Variants in SNX19 observed in about 807,000 individuals in gnomAD.
SNX19 encodes the protein sorting nexin 19, also known as sorting nexin-19.
A neutral mutation model predicts 85.2 loss-of-function variants in SNX19; 60 were observed. That is an observed-to-expected ratio of 0.70 (90% CI 0.57 to 0.87). The LOEUF (loss-of-function observed/expected upper bound fraction) is 0.87. SNX19 is among the 40% of genes least tolerant of loss of function. The pLI, the probability that SNX19 is intolerant of heterozygous loss-of-function variation, is 0.00. For missense variants in SNX19, 1,201 were observed against 1,217.8 expected (o/e 0.99, Z 0.21); for synonymous variants, 520 against 470.0 (o/e 1.11, Z -1.38).
chr11:130,892,669 G>A (rs1199260345), intron 8 of SNX19: 2 of 152,124 alleles, frequency 1.3e-5, no homozygotes, highest in Non-Finnish European at 2.9e-5. Context: ...TAAGAAAATT[G>A]GGACGAGGCC....
chr11:130,913,376 GTC>G (rs1473603794), intron 1 of SNX19, among the ~76,000 whole-genome samples: 1 of 152,190 alleles, frequency 6.6e-6, no homozygotes, highest in Non-Finnish European at 1.5e-5. Context: ...ATGAGTGTGT[GTC>G]TGTGTGTTCA....
intron 8 of SNX19, among the ~76,000 whole-genome samples, chr11:130,902,263 C>A (rs181372960): frequency 6.6e-6 from 1 of 152,190 alleles, no homozygotes; most frequent in African/African-American, 2.4e-5. Context: ...CATAGATAAG[C>A]GCTTAGCAAA....
intron 8 of SNX19, among the ~76,000 whole-genome samples, chr11:130,897,289 A>G (rs191385413): frequency 2.0e-5 from 3 of 152,062 alleles, no homozygotes; most frequent in Non-Finnish European, 2.9e-5. Context: ...CCCCTCTGCC[A>G]GAACCTTTCC....
At chr11:130,910,516 C>T (rs111309319) in intron 2 of SNX19, 146 bp from the exon 3 acceptor site, 13 of 651,520 alleles carry the variant, frequency 2.0e-5, no homozygotes, top group South Asian at 6.2e-5. Flanking sequence ...AATATACATA[C>T]GATCCATATG....
Position 130,866,458 on chromosome 11 carries a change from A to C in SNX19, c.*11964T>G, listed in dbSNP as rs1942768034. 6.6e-6 allele frequency: 1 copy of C among 152,200 alleles called. No individual in the cohort carries two copies. Among genetic ancestry groups the C allele is most frequent in the Non-Finnish European group, 1.5e-5 (1 of 68,046 alleles). 9.4% of individuals were successfully genotyped at this position (152,200 alleles called of 1,614,324 possible). On this transcript the variant is annotated 3_prime_UTR_variant, in exon 11 of 11. Coordinates refer to ENST00000265909, the MANE Select transcript of SNX19 (RefSeq NM_014758.3). ...ACAAACAGCATGAGAAAAGGCCGGGAGACAGTAATAAATACGTGCCCATTG... is the reference window on the plus strand; with the variant it reads ...ACAAACAGCATGAGAAAAGGCCGGGCGACAGTAATAAATACGTGCCCATTG...
At chr11:130,892,140 G>A (rs6421608) in intron 8 of SNX19, among the ~76,000 whole-genome samples, 89,743 of 149,464 alleles carry the variant, frequency 0.6, 27,318 homozygotes, top group South Asian at 0.73. Flanking sequence ...CACTGCGCCC[G>A]GCCAATCTGA....
In SNX19 at chr11:130,875,951, G is replaced by A. The variant is rs1241094719; in HGVS notation, c.*2471C>T. 2.0e-5 allele frequency: 3 copies of A among 152,140 alleles called. No individual in the cohort carries two copies. Among genetic ancestry groups the A allele is most frequent in the African/African-American group, 4.8e-5 (2 of 41,430 alleles). The allele number at this position is 152,140 out of a possible 1,614,324, so 9.4% of individuals were successfully genotyped here. A position where few individuals can be genotyped will look rare whatever the true frequency, so the allele number is the denominator to read the frequency against. ...CAACAATGCAAAAATGAAACTGTGA[G>A]TTATATGTGATGAAAAAGTATAGCT... On this transcript the variant is annotated 3_prime_UTR_variant, in exon 11 of 11. Coordinates refer to ENST00000265909, the MANE Select transcript of SNX19 (RefSeq NM_014758.3).
At chr11:130,886,182 G>A (rs542750083) in intron 8 of SNX19, among the ~76,000 whole-genome samples, 2 of 152,226 alleles carry the variant, frequency 1.3e-5, no homozygotes, top group East Asian at 1.9e-4. Context: ...AATGTTTTTC[G>A]ACCTGTGGGC....
At chr11:130,899,367 G>A (rs186682455) in intron 8 of SNX19, among the ~76,000 whole-genome samples, 29 of 152,272 alleles carry the variant, frequency 1.9e-4, no homozygotes, top group African/African-American at 4.6e-4. Context: ...TGGAAGAACC[G>A]GTTCTTTCTT....
intron 8 of SNX19, among the ~76,000 whole-genome samples, chr11:130,895,774 G>C (rs1944834465): frequency 6.6e-6 from 1 of 152,206 alleles, no homozygotes; most frequent in South Asian, 2.1e-4. Context: ...CCATCCACCT[G>C]CTACAATCTC....
chr11:130,879,155 C>T (rs1296919768), intron 10 of SNX19, among the ~76,000 whole-genome samples: 1 of 152,208 alleles, frequency 6.6e-6, no homozygotes, highest in African/African-American at 2.4e-5. Context: ...GAAGCAAAGA[C>T]AACTCCTGGT....
rs767117765 is a variant in SNX19 at position 130,915,611 on chromosome 11, A to G, written c.329T>C (p.Ile110Thr). The change falls in exon 1 of 11, where the codon ATT (isoleucine) becomes ACT (threonine). Residue 110 changes from isoleucine to threonine, a missense_variant. Physicochemically the swap from Ile to Thr is moderately conservative, Grantham distance 89. Around this residue, in one of 3 missense-constraint regions of SNX19, gnomAD observed 791 missense variants for 750.9 expected, o/e 1.05. Coordinates refer to ENST00000265909, the MANE Select transcript of SNX19 (RefSeq NM_014758.3). ...REINRTIQMI[I>T]RDFVLSWYRS... ...GTACCAAGATAACACAAAATCTCGA[A>G]TAATCATCTGGATGGTGCGGTTGAT... The G allele has an allele frequency of 1.7e-5, 28 of 1,614,130 alleles. No individual in the cohort carries two copies. The highest frequency in any genetic ancestry group is 2.3e-5 in the Non-Finnish European group (27 of 1,180,052).
At chr11:130,882,474 G>A (rs547012974) in intron 8 of SNX19, among the ~76,000 whole-genome samples, 19 of 152,346 alleles carry the variant, frequency 1.2e-4, no homozygotes, top group African/African-American at 4.3e-4. Context: ...CCAAGCCCAA[G>A]GCTCACAACT....
chr11:130,914,116 T>A (rs118027083), intron 1 of SNX19, 150 bp downstream of exon 1: 28,253 of 618,764 alleles, frequency 0.046, 911 homozygotes, highest in South Asian at 0.12. Flanking sequence ...CTGCCTTACA[T>A]ATTAGCTTCA....
chr11:130,878,581 G>A, intron 10 of SNX19, 27 bp from the exon 11 acceptor site: 1 of 1,606,194 alleles, frequency 6.2e-7, no homozygotes, highest in Non-Finnish European at 8.5e-7. Flanking sequence ...AAAAACTTAG[G>A]GTCTGGCTCA....
At chr11:130,906,885 C>T (rs1334374248) in intron 5 of SNX19, among the ~76,000 whole-genome samples, 164 bp from the exon 6 acceptor site, 1 of 152,196 alleles carries the variant, frequency 6.6e-6, no homozygotes, top group Non-Finnish European at 1.5e-5. Context: ...CCTGCAATCC[C>T]CCAAACAATG....
chr11:130,910,502 T>C (rs1030051668), intron 2 of SNX19, 132 bp from the exon 3 acceptor site: 13 of 684,740 alleles, frequency 1.9e-5, no homozygotes, highest in Middle Eastern at 8.2e-4. Flanking sequence ...TTTCAGGACT[T>C]CCAAATATAC....
rs1399458473 is a variant in SNX19 at position 130,873,645 on chromosome 11, C to T, written c.*4777G>A. On this transcript the variant is annotated 3_prime_UTR_variant, in exon 11 of 11. Coordinates refer to ENST00000265909, the MANE Select transcript of SNX19 (RefSeq NM_014758.3). Reference sequence around the variant, plus strand: ...CATTAAAATGGCAAAACTCCAATTACTTTTGCACCAACCCACTACATCAGA... The same window carrying T: ...CATTAAAATGGCAAAACTCCAATTATTTTTGCACCAACCCACTACATCAGA... Among the ~76,000 whole-genome samples, 3 of 152,054 alleles carry T rather than the reference C, an allele frequency of 2.0e-5. No individual in the cohort carries two copies. Among genetic ancestry groups the T allele is most frequent in the African/African-American group, 7.2e-5 (3 of 41,418 alleles).
chr11:130,912,450 T>A (rs1331539053), intron 1 of SNX19, among the ~76,000 whole-genome samples: 1 of 152,004 alleles, frequency 6.6e-6, no homozygotes, highest in Non-Finnish European at 1.5e-5. Context: ...CCCCAAAGAG[T>A]GAATACCACG....
Sources: allele counts gnomAD v4.1 joint callset (sites outside exome capture counted in the v4.1 genomes callset), GRCh38; gene constraint gnomAD v4.1.1; regional missense constraint gnomAD v4.1.1; transcripts MANE v1.5; gene names NCBI Gene and HGNC (gene_info 2026-07-23, HGNC 2026-07-21).